The following EXOC6 variants were observed in gnomAD, a reference collection of about 807,000 sequenced individuals.
EXOC6 encodes the protein exocyst complex component 6, also known as SEC15-like 1.
EXOC6 carries 60 observed loss-of-function variants against 112.5 expected under a neutral mutation model. That is an observed-to-expected ratio of 0.53 (90% CI 0.43 to 0.66). The LOEUF (loss-of-function observed/expected upper bound fraction) is 0.66. Among genes scored for constraint, EXOC6 ranks in the 30% least tolerant of loss-of-function variants. The pLI, the probability that EXOC6 is intolerant of heterozygous loss-of-function variation, is 0.00. For synonymous variants in EXOC6, 295 were observed against 308.0 expected (o/e 0.96, Z 0.44); for missense variants, 855 against 957.1 (o/e 0.89, Z 1.41).
chr10:92,980,138 A>G (rs988415844), intron 18 of EXOC6, among the ~76,000 whole-genome samples: 2 of 152,146 alleles, frequency 1.3e-5, no homozygotes, highest in African/African-American at 4.8e-5. Flanking sequence ...CACGTGAGGA[A>G]TGTTTATCTT....
intron 1 of EXOC6, among the ~76,000 whole-genome samples, chr10:92,892,812 C>T (rs184897189): frequency 3.0e-4 from 45 of 152,222 alleles, no homozygotes; most frequent in African/African-American, 1.0e-3. Flanking sequence ...AACCCTGGAG[C>T]CGGACTATCA....
intron 12 of EXOC6, among the ~76,000 whole-genome samples, chr10:92,939,387 A>G (rs1852530614): frequency 6.6e-6 from 1 of 151,924 alleles, no homozygotes; most frequent in Non-Finnish European, 1.5e-5. Context: ...TAAAAATCAG[A>G]AGAATTTGGT....
intron 18 of EXOC6, among the ~76,000 whole-genome samples, chr10:92,975,109 C>T (rs1229436069): frequency 6.6e-6 from 1 of 151,564 alleles, no homozygotes; most frequent in Non-Finnish European, 1.5e-5. Context: ...ACCATCCCAT[C>T]TAGGAAGTGA....
rs1843550542 is a variant in EXOC6 at position 92,997,562 on chromosome 10, A to G, written c.2042A>G (p.Gln681Arg). The change falls in exon 19 of 22, where the codon CAA (glutamine) becomes CGA (arginine). Residue 681 changes from glutamine to arginine, a missense_variant. By Grantham distance (43) the Gln-to-Arg change is conservative (BLOSUM62 1). Transcript: ENST00000260762. ...ATGCTACTGGACAGTGAGTTAAAAC[A>G]AATAAGCATGGGAGCTGTTCAGCAG... ...MQMLLDSELK[Q>R]ISMGAVQQFN... 3 of 1,613,910 alleles carry G rather than the reference A, an allele frequency of 1.9e-6. No homozygotes were observed. The highest frequency in any genetic ancestry group is 2.2e-5 in the South Asian group (2 of 91,028).
chr10:92,973,967 G>T, intron 17 of EXOC6, 86 bp from the exon 18 acceptor site: 2 of 1,137,120 alleles, frequency 1.8e-6, no homozygotes, highest in Non-Finnish European at 2.4e-6. Flanking sequence ...TAAACCAAAG[G>T]TAAATGTAAA....
intron 4 of EXOC6, among the ~76,000 whole-genome samples, chr10:92,896,167 ATATATATATATATATTTTTTT>A (rs1849786273): frequency 1.3e-4 from 3 of 23,460 alleles, no homozygotes; most frequent in African/African-American, 6.4e-4. Context: ...ATATATATAT[ATATATATATATATATTTTTTT>A]TTTTTTTTTT....
intron 15 of EXOC6, among the ~76,000 whole-genome samples, chr10:92,954,318 A>C (rs1301119385): frequency 1.3e-5 from 2 of 152,244 alleles, no homozygotes; most frequent in East Asian, 3.9e-4. Context: ...CAAAGTTACT[A>C]TCCCATGATG....
At chr10:93,006,868 C>T (rs1320570891) in intron 19 of EXOC6, among the ~76,000 whole-genome samples, 3 of 152,148 alleles carry the variant, frequency 2.0e-5, no homozygotes, top group African/African-American at 7.2e-5. Flanking sequence ...TTATATGCAC[C>T]TGTGTGGTCA....
At chr10:92,863,195 AAACAC>A (rs1276533599) in intron 1 of EXOC6, among the ~76,000 whole-genome samples, 10 of 152,362 alleles carry the variant, frequency 6.6e-5, no homozygotes, top group Admixed American at 6.5e-4. Context: ...TGATCAATGA[AAACAC>A]AATATCGATA....
At chr10:93,012,762 TA>T (rs1460576327) in intron 19 of EXOC6, among the ~76,000 whole-genome samples, 1 of 152,132 alleles carries the variant, frequency 6.6e-6, no homozygotes, top group African/African-American at 2.4e-5. Flanking sequence ...TAATGTTCTC[TA>T]AAAAAATCAG....
At chr10:92,926,127 A>T (rs1402731852) in intron 8 of EXOC6, among the ~76,000 whole-genome samples, 1 of 151,832 alleles carries the variant, frequency 6.6e-6, no homozygotes, top group Non-Finnish European at 1.5e-5. Flanking sequence ...TAATGGGGGA[A>T]AAAAAAGTCT....
chr10:92,959,488 A>G (rs1180039948), intron 17 of EXOC6, among the ~76,000 whole-genome samples: 3 of 152,214 alleles, frequency 2.0e-5, no homozygotes, highest in Non-Finnish European at 4.4e-5. Flanking sequence ...GGAAAAATCC[A>G]TGATAGAAAT....
At chr10:93,010,563 G>A (rs1359583579) in intron 19 of EXOC6, among the ~76,000 whole-genome samples, 2 of 151,996 alleles carry the variant, frequency 1.3e-5, no homozygotes, top group Non-Finnish European at 2.9e-5. Flanking sequence ...GCCGGGCATG[G>A]TGGCATACGT....
intron 2 of EXOC6, among the ~76,000 whole-genome samples, chr10:92,893,777 A>G (rs1318411095): frequency 6.6e-6 from 1 of 152,218 alleles, no homozygotes; most frequent in African/African-American, 2.4e-5. Flanking sequence ...CAAAACATGC[A>G]TACAATGAAA....
chr10:92,909,888 GTGTTA>G (rs888708340), intron 6 of EXOC6, among the ~76,000 whole-genome samples: 6 of 152,140 alleles, frequency 3.9e-5, no homozygotes, highest in African/African-American at 7.2e-5. Context: ...CATATATGTG[GTGTTA>G]TGTTATCCTT....
At chr10:92,870,072 C>T (rs1173601534) in intron 1 of EXOC6, among the ~76,000 whole-genome samples, 1 of 151,364 alleles carries the variant, frequency 6.6e-6, no homozygotes, top group Non-Finnish European at 1.5e-5. Flanking sequence ...CTGCCTTGGC[C>T]TCCTGAGTAG....
intron 19 of EXOC6, among the ~76,000 whole-genome samples, chr10:92,999,856 C>T (rs926750554): frequency 5.3e-5 from 8 of 152,016 alleles, no homozygotes; most frequent in Non-Finnish European, 1.2e-4. Context: ...GTGCCTGCCA[C>T]CAGGCCCGGC....
chr10:92,867,591 T>C (rs943101255), intron 1 of EXOC6, among the ~76,000 whole-genome samples: 2 of 152,112 alleles, frequency 1.3e-5, no homozygotes, highest in African/African-American at 4.8e-5. Context: ...TGGTAAAACT[T>C]CCAAAACTAT....
intron 18 of EXOC6, among the ~76,000 whole-genome samples, chr10:92,979,694 C>G (rs1164480767): frequency 1.3e-5 from 2 of 152,086 alleles, no homozygotes; most frequent in African/African-American, 4.8e-5. Context: ...CTTTGGGAGG[C>G]TGAGGCAGGA....
Sources: allele counts gnomAD v4.1 joint callset (sites outside exome capture counted in the v4.1 genomes callset), GRCh38; gene constraint gnomAD v4.1.1; transcripts MANE v1.5; gene names NCBI Gene and HGNC (gene_info 2026-07-23, HGNC 2026-07-21).